Variants in LINGO2 observed in about 807,000 individuals in gnomAD.
The protein encoded by LINGO2 is leucine-rich repeat and immunoglobulin-like domain-containing nogo receptor-interacting protein 2.
Under a neutral mutation model 30.6 loss-of-function variants are expected in LINGO2, and 14 were observed. The ratio of observed to expected loss-of-function variants is 0.46; its 90% CI spans 0.30 to 0.72. The LOEUF is 0.72. Ranked by LOEUF, LINGO2 falls within the 30% of genes least tolerant of loss-of-function variation. LINGO2 has a pLI of 0.07. For synonymous variants in LINGO2, 317 were observed against 288.5 expected (o/e 1.10, Z -1.00); for missense variants, 729 against 751.7 (o/e 0.97, Z 0.35).
At chr9:28,525,414 CTCA>C (rs1820983578) in intron 1 of LINGO2, among the ~76,000 whole-genome samples, 3 of 152,214 alleles carry the variant, frequency 2.0e-5, no homozygotes, top group South Asian at 4.1e-4. Context: ...AACCCAAATT[CTCA>C]TCAATTGTTT....
intron 4 of LINGO2, among the ~76,000 whole-genome samples, chr9:28,126,688 T>C (rs1293829483): frequency 2.6e-5 from 4 of 152,238 alleles, no homozygotes; most frequent in African/African-American, 9.6e-5. Flanking sequence ...ACTTGCAATA[T>C]GCATTAACAA....
At chr9:28,516,244 G>T (rs996006029) in intron 1 of LINGO2, among the ~76,000 whole-genome samples, 1 of 152,064 alleles carries the variant, frequency 6.6e-6, no homozygotes. Flanking sequence ...TCTGAGGTAC[G>T]CCTGTATATT....
chr9:28,086,501 T>G (rs1295632355), intron 4 of LINGO2, among the ~76,000 whole-genome samples: 1 of 152,068 alleles, frequency 6.6e-6, no homozygotes, highest in Non-Finnish European at 1.5e-5. Context: ...TCTGGGCATA[T>G]CCATGTGTGA....
the LINGO2 span, among the ~76,000 whole-genome samples, chr9:28,881,582 T>C: frequency 1.3e-5 from 2 of 151,830 alleles, no homozygotes; most frequent in Non-Finnish European, 2.9e-5. Context: ...TGAAAAATGC[T>C]AACATTACTG....
chr9:29,195,602 G>A, the LINGO2 span, among the ~76,000 whole-genome samples: 1 of 151,654 alleles, frequency 6.6e-6, no homozygotes, highest in Admixed American at 6.6e-5. Flanking sequence ...CAACTAATTA[G>A]TAATTATTAA....
the LINGO2 span, among the ~76,000 whole-genome samples, chr9:29,212,769 C>A: frequency 2.0e-5 from 3 of 152,166 alleles, no homozygotes; most frequent in Non-Finnish European, 2.9e-5. Context: ...CAGCGCCGCA[C>A]CGGCTACTCC....
At chr9:28,361,359 C>T (rs182423145) in intron 3 of LINGO2, among the ~76,000 whole-genome samples, 23 of 152,088 alleles carry the variant, frequency 1.5e-4, no homozygotes, top group Admixed American at 1.2e-3. Flanking sequence ...ACATAGAGTT[C>T]GATATTATCT....
At chr9:28,007,253 C>T (rs1047479257) in intron 5 of LINGO2, among the ~76,000 whole-genome samples, 5 of 151,980 alleles carry the variant, frequency 3.3e-5, no homozygotes, top group African/African-American at 4.8e-5. Context: ...TAGGAAGTGG[C>T]GCCAAACCCA....
At chr9:29,006,211 G>T in the LINGO2 span, among the ~76,000 whole-genome samples, 2 of 151,914 alleles carry the variant, frequency 1.3e-5, no homozygotes, top group Non-Finnish European at 2.9e-5. Flanking sequence ...AAACATGAAT[G>T]ATGTATTCTC....
the LINGO2 span, among the ~76,000 whole-genome samples, chr9:28,809,397 A>G: frequency 2.0e-5 from 3 of 152,140 alleles, no homozygotes; most frequent in African/African-American, 7.2e-5. Context: ...AGTTTCCCTA[A>G]AACCATTATT....
intron 3 of LINGO2, among the ~76,000 whole-genome samples, chr9:28,343,174 A>T (rs1253316472): frequency 6.6e-6 from 1 of 152,218 alleles, no homozygotes; most frequent in Non-Finnish European, 1.5e-5. Flanking sequence ...GAAATCTAGA[A>T]TATCCCTCAG....
chr9:28,642,745 T>C (rs1003244976), intron 1 of LINGO2, among the ~76,000 whole-genome samples: 1 of 152,122 alleles, frequency 6.6e-6, no homozygotes, highest in Non-Finnish European at 1.5e-5. Flanking sequence ...TATAGGGGTA[T>C]AGAGAGAAAT....
chr9:28,694,126 C>CA, the LINGO2 span, among the ~76,000 whole-genome samples: 1,158 of 132,494 alleles, frequency 8.7e-3, 8 homozygotes, highest in Middle Eastern at 0.015. Flanking sequence ...ACATGGTTTT[C>CA]AAAAAAAAAA....
At chr9:27,989,663 T>C (rs567361365) in intron 5 of LINGO2, among the ~76,000 whole-genome samples, 10 of 152,096 alleles carry the variant, frequency 6.6e-5, no homozygotes, top group Admixed American at 5.2e-4. Context: ...AAGACCTATG[T>C]CCAGAACAAA....
At chr9:28,169,914 A>G (rs1828534178) in intron 4 of LINGO2, among the ~76,000 whole-genome samples, 1 of 152,130 alleles carries the variant, frequency 6.6e-6, no homozygotes, top group African/African-American at 2.4e-5. Flanking sequence ...TCATCTTTCC[A>G]ACGAGGCCTT....
chr9:28,018,632 C>G (rs1822959982), intron 4 of LINGO2, among the ~76,000 whole-genome samples: 2 of 151,874 alleles, frequency 1.3e-5, no homozygotes, highest in Admixed American at 1.3e-4. Flanking sequence ...CAAATACAAA[C>G]CACAATGAGT....
intron 2 of LINGO2, among the ~76,000 whole-genome samples, chr9:28,383,095 A>T (rs556708713): frequency 6.6e-6 from 1 of 152,142 alleles, no homozygotes; most frequent in Admixed American, 6.6e-5. Flanking sequence ...CCATGTCCCC[A>T]CTTAAAATTT....
the LINGO2 span, among the ~76,000 whole-genome samples, chr9:28,884,961 T>A: frequency 0.013 from 390 of 30,760 alleles, 13 homozygotes; most frequent in African/African-American, 0.057. Flanking sequence ...ATATAATATT[T>A]TATATATATA....
chr9:29,103,027 G>C, the LINGO2 span, among the ~76,000 whole-genome samples: 1 of 151,968 alleles, frequency 6.6e-6, no homozygotes, highest in Admixed American at 6.6e-5. Flanking sequence ...ATCTTCAACA[G>C]TACTTGAAGA....
Sources: gnomAD v4.1 joint callset for allele counts (sites outside exome capture counted in the v4.1 genomes callset) on GRCh38, gnomAD v4.1.1 for gene constraint, MANE v1.5 for transcripts, NCBI Gene and HGNC (gene_info 2026-07-23, HGNC 2026-07-21) for gene names.